The following ZNF577 variants were observed in gnomAD, a reference collection of about 807,000 sequenced individuals.
ZNF577 encodes zinc finger protein 577.
In ZNF577, 14 loss-of-function variants were observed where a neutral mutation model predicts 13.9. The ratio of observed to expected loss-of-function variants is 1.00; its 90% CI spans 0.66 to 1.57. ZNF577 has a LOEUF of 1.57. Ranked by LOEUF, ZNF577 falls within the 40% of genes most tolerant of loss-of-function variation. The probability of loss-of-function intolerance (pLI) is 0.00; values close to 1 mark genes in which losing one functional copy is unlikely to be tolerated. For synonymous variants in ZNF577, 203 were observed against 202.9 expected, an observed-to-expected ratio of 1.00 and a Z score of 0.00; for missense variants, 555 against 579.2, an observed-to-expected ratio of 0.96 and a Z score of 0.43.
At chr19:51,850,508 T>C (rs2191669) in intron 5 of ZNF577, among the ~76,000 whole-genome samples, 57,452 of 152,136 alleles carry the variant, frequency 0.38, 11,973 homozygotes, top group African/African-American at 0.55. Flanking sequence ...GTGCTTGGTG[T>C]CCACTGGACC....
intron 6 of ZNF577, among the ~76,000 whole-genome samples, chr19:51,843,702 A>C (rs1194930530): frequency 6.6e-6 from 1 of 152,236 alleles, no homozygotes; most frequent in African/African-American, 2.4e-5. Flanking sequence ...AGTCCTATGC[A>C]GAAAGCCTAT....
chr19:51,882,300 G>T (rs189221619), intron 1 of ZNF577, among the ~76,000 whole-genome samples: 1 of 151,792 alleles, frequency 6.6e-6, no homozygotes, highest in African/African-American at 2.4e-5. Flanking sequence ...ATACTCACGC[G>T]GAGAACATGG....
rs2084668817 is a variant in ZNF577 at position 51,872,120 on chromosome 19, T to G, written c.*412A>C. 6.3e-6 allele frequency: 1 copy of G among 159,748 alleles called. No homozygotes were observed. Among genetic ancestry groups the G allele is most frequent in the Admixed American group, 6.2e-5 (1 of 16,246 alleles). 9.9% of individuals were successfully genotyped at this position (159,748 alleles called of 1,614,324 possible). ...AGACATAAAAGTATGATACATGAGT[T>G]AATTTGGTGAGTTGCCATCATTTCT... is the stretch of plus-strand genomic sequence containing the variant. On this transcript the variant is annotated 3_prime_UTR_variant, in exon 6 of 6. Transcript: ENST00000638348.
intron 9 of ZNF577, among the ~76,000 whole-genome samples, chr19:51,814,402 G>A (rs1410860145): frequency 2.0e-5 from 3 of 152,226 alleles, no homozygotes; most frequent in African/African-American, 7.2e-5. Flanking sequence ...CTCTGGAGCA[G>A]AAGGTTAAGG....
At chr19:51,812,086 G>A (rs2084101124) in intron 9 of ZNF577, among the ~76,000 whole-genome samples, 1 of 152,198 alleles carries the variant, frequency 6.6e-6, no homozygotes, top group Non-Finnish European at 1.5e-5. Context: ...AATAGCCTAT[G>A]TTGGAGGTAG....
chr19:51,843,221 A>G (rs2084330589), exon 7 of ZNF577: 1 of 153,426 alleles, frequency 6.5e-6, no homozygotes, highest in Admixed American at 6.5e-5. Flanking sequence ...ATTTTCCAAC[A>G]TCACATCCTG....
chr19:51,877,697 A>T (rs1026150702), intron 4 of ZNF577: 1 of 215,528 alleles, frequency 4.6e-6, no homozygotes, highest in African/African-American at 2.3e-5. Context: ...CATTGTGGAA[A>T]ACTGTTCCTC....
chr19:51,823,090 T>C (rs1339008920), intron 9 of ZNF577, among the ~76,000 whole-genome samples: 1 of 152,148 alleles, frequency 6.6e-6, no homozygotes, highest in Non-Finnish European at 1.5e-5. Context: ...CTCCAACTCC[T>C]GATCTCAAGT....
At chr19:51,830,162 G>T (rs1252726206) in intron 9 of ZNF577, among the ~76,000 whole-genome samples, 6 of 149,664 alleles carry the variant, frequency 4.0e-5, no homozygotes, top group African/African-American at 1.5e-4. Context: ...ACAGAGGAAA[G>T]ATGAAGCATT....
At position 51,868,493 on chromosome 19, in the gene ZNF577, C is replaced by T. The variant is rs1424103392; in HGVS notation, c.*4039G>A. Among the ~76,000 whole-genome samples the T allele has an allele frequency of 1.3e-5, 2 of 152,134 alleles. No homozygotes were observed. Among genetic ancestry groups the T allele is most frequent in the Non-Finnish European group, 1.5e-5 (1 of 68,024 alleles). ...CTGTAGGACTGCTTCCCACCTCAGCCACACAGCAGGGCAGACTCACCAAGA... is the reference window on the plus strand; with the variant it reads ...CTGTAGGACTGCTTCCCACCTCAGCTACACAGCAGGGCAGACTCACCAAGA... On this transcript the variant is annotated 3_prime_UTR_variant, in exon 6 of 6. Transcript: ENST00000638348.
intron 5 of ZNF577, among the ~76,000 whole-genome samples, chr19:51,875,969 C>G (rs1305630246): frequency 6.6e-6 from 1 of 152,138 alleles, no homozygotes; most frequent in African/African-American, 2.4e-5. Context: ...CAAGGCAACT[C>G]CAAGGTGACC....
At chr19:51,823,122 T>G (rs1456545648) in intron 9 of ZNF577, among the ~76,000 whole-genome samples, 3 of 152,078 alleles carry the variant, frequency 2.0e-5, no homozygotes, top group Non-Finnish European at 2.9e-5. Context: ...CTCAACCTCC[T>G]AAAGTGCTGG....
chr19:51,820,294 T>C (rs970373822), intron 9 of ZNF577, among the ~76,000 whole-genome samples: 1 of 152,250 alleles, frequency 6.6e-6, no homozygotes, highest in African/African-American at 2.4e-5. Flanking sequence ...TCTCAATAAT[T>C]GTGACATTGA....
intron 2 of ZNF577, 45 bp from the exon 3 acceptor site, chr19:51,880,446 A>C: frequency 6.4e-7 from 1 of 1,570,460 alleles, no homozygotes; most frequent in Non-Finnish European, 8.8e-7. Context: ...GAAAACCCAC[A>C]GGGTCTTAAC....
In ZNF577 at chr19:51,877,274, T is replaced by G; in HGVS notation, c.283+8A>C. 1 of 1,612,596 alleles carries G rather than the reference T, an allele frequency of 6.2e-7. No homozygotes were observed. The highest frequency in any genetic ancestry group is 8.5e-7 in the Non-Finnish European group (1 of 1,178,980). ...TTCTCCCCATTTTCTTAGTTTTCAC[T>G]CACTTACCTGGACAGATTTGACTGT... On this transcript the variant is annotated splice_region_variant and intron_variant, in intron 5 of 5. Transcript: ENST00000638348.
At chr19:51,810,234 G>A (rs1334049235) in intron 10 of ZNF577, among the ~76,000 whole-genome samples, 1 of 152,174 alleles carries the variant, frequency 6.6e-6, no homozygotes. Flanking sequence ...CCTACATCTT[G>A]ACAAGCTCTG....
At chr19:51,806,021 C>G (rs550628230) in intron 10 of ZNF577, among the ~76,000 whole-genome samples, 1 of 152,328 alleles carries the variant, frequency 6.6e-6, no homozygotes, top group South Asian at 2.1e-4. Flanking sequence ...TACAGGTCAA[C>G]TGGGTATTGT....
rs1055564168 is a variant in ZNF577 at position 51,848,253 on chromosome 19, G to T, written c.284-3322C>A. On this transcript the variant is annotated intron_variant and NMD_transcript_variant, in intron 5 of 10. Coordinates refer to the ZNF577 transcript ENST00000638827. ...ATCAGAACACACCGAAACAGAAAATGGCTGCGCCCACGCTGCCTCGTTCTT... is the reference window on the plus strand; with the variant it reads ...ATCAGAACACACCGAAACAGAAAATTGCTGCGCCCACGCTGCCTCGTTCTT... Among the ~76,000 whole-genome samples the T allele has an allele frequency of 4.6e-5, 7 of 152,318 alleles. 1 individual carries two copies. Among genetic ancestry groups the T allele is most frequent in the Middle Eastern group, 6.8e-3 (2 of 294 alleles).
At chr19:51,829,468 C>T (rs2084249988) in intron 9 of ZNF577, among the ~76,000 whole-genome samples, 2 of 152,030 alleles carry the variant, frequency 1.3e-5, no homozygotes, top group Admixed American at 6.6e-5. Context: ...TCCTTGTTAT[C>T]CATTCTGAGA....
Sources: gnomAD v4.1 joint callset for allele counts (sites outside exome capture counted in the v4.1 genomes callset) on GRCh38, gnomAD v4.1.1 for gene constraint, MANE v1.5 for transcripts, NCBI Gene and HGNC (gene_info 2026-07-23, HGNC 2026-07-21) for gene names.